Variants in FUT9 observed in about 807,000 individuals in gnomAD.
FUT9 encodes the protein 4-galactosyl-N-acetylglucosaminide 3-alpha-L-fucosyltransferase 9.
FUT9 carries 15 observed loss-of-function variants against 29.7 expected under a neutral mutation model. That is an observed-to-expected ratio of 0.51 (90% CI 0.34 to 0.78). The LOEUF (loss-of-function observed/expected upper bound fraction) is 0.78. FUT9 is among the 30% of genes least tolerant of loss of function. The pLI, the probability that FUT9 is intolerant of heterozygous loss-of-function variation, is 0.01. For missense variants in FUT9, 319 were observed against 425.4 expected (o/e 0.75, Z 2.20); for synonymous variants, 169 against 153.7 (o/e 1.10, Z -0.74).
chr6:96,053,839 C>T (rs929856907), intron 1 of FUT9, among the ~76,000 whole-genome samples: 1 of 151,998 alleles, frequency 6.6e-6, no homozygotes, highest in African/African-American at 2.4e-5. Context: ...TCGGTATTTG[C>T]TTGGCTAAAC....
chr6:96,063,063 T>C (rs552108068), intron 1 of FUT9, among the ~76,000 whole-genome samples: 1 of 152,282 alleles, frequency 6.6e-6, no homozygotes, highest in Admixed American at 6.5e-5. Flanking sequence ...AATGAACTAA[T>C]AGTATTAGAA....
At chr6:96,124,296 C>T (rs1363676247) in intron 2 of FUT9, among the ~76,000 whole-genome samples, 3 of 151,436 alleles carry the variant, frequency 2.0e-5, no homozygotes, top group Non-Finnish European at 4.4e-5. Context: ...GAACTAAAGG[C>T]GCCTGCCACC....
At chr6:96,139,774 A>T (rs942245375) in intron 2 of FUT9, among the ~76,000 whole-genome samples, 12 of 152,012 alleles carry the variant, frequency 7.9e-5, no homozygotes, top group African/African-American at 2.9e-4. Context: ...GCCCCTTTTA[A>T]CCATGGCTGG....
intron 2 of FUT9, among the ~76,000 whole-genome samples, chr6:96,115,693 C>G (rs930070348): frequency 2.0e-5 from 3 of 152,100 alleles, no homozygotes; most frequent in Non-Finnish European, 4.4e-5. Flanking sequence ...ATTTTGAAGG[C>G]CAACTTCAGA....
intron 1 of FUT9, among the ~76,000 whole-genome samples, chr6:96,027,249 T>C (rs918793928): frequency 4.0e-5 from 6 of 151,654 alleles, no homozygotes; most frequent in Non-Finnish European, 8.9e-5. Flanking sequence ...TGTAAGACTT[T>C]GGTTAATTAT....
intron 1 of FUT9, among the ~76,000 whole-genome samples, chr6:96,033,249 A>G (rs1770294612): frequency 6.6e-6 from 1 of 151,714 alleles, no homozygotes; most frequent in South Asian, 2.1e-4. Flanking sequence ...TTTTGAATAT[A>G]TTGGATTGAC....
At chr6:96,116,222 A>G (rs1177923259) in intron 2 of FUT9, among the ~76,000 whole-genome samples, 1 of 152,212 alleles carries the variant, frequency 6.6e-6, no homozygotes, top group Non-Finnish European at 1.5e-5. Context: ...CCACAGTAAG[A>G]TGCCAGAACA....
In FUT9 at chr6:96,209,445, A is replaced by G. The variant is rs1001080992; in HGVS notation, c.*5210A>G. On this transcript the variant is annotated 3_prime_UTR_variant, in exon 3 of 3. Transcript: ENST00000302103. ...TCTATGACTTTTGAACTCACTGCTC[A>G]CTGACATCTTAATTGCCTGCAGAAA... is the stretch of plus-strand genomic sequence containing the variant. The G allele has an allele frequency of 1.2e-5, 2 of 166,888 alleles. No homozygotes were observed. The highest frequency in any genetic ancestry group is 4.8e-5 in the African/African-American group (2 of 41,418). 10.3% of individuals were successfully genotyped at this position (166,888 alleles called of 1,614,324 possible).
chr6:96,165,894 G>A (rs1040168358), intron 2 of FUT9, among the ~76,000 whole-genome samples: 32 of 152,128 alleles, frequency 2.1e-4, no homozygotes, highest in African/African-American at 7.2e-4. Flanking sequence ...GGGATTACAG[G>A]TGTGAGGCAC....
chr6:96,158,729 C>A (rs7757537), intron 2 of FUT9, among the ~76,000 whole-genome samples: 24,093 of 151,992 alleles, frequency 0.16, 2,120 homozygotes, highest in African/African-American at 0.19. Flanking sequence ...TTGCTTCATC[C>A]CCCAAATTGC....
chr6:96,104,373 G>T (rs1453060353), intron 1 of FUT9, among the ~76,000 whole-genome samples: 1 of 152,050 alleles, frequency 6.6e-6, no homozygotes, highest in Non-Finnish European at 1.5e-5. Flanking sequence ...ATGAAAAATG[G>T]CTTGATACTT....
chr6:96,089,182 G>T (rs1275012791), intron 1 of FUT9, among the ~76,000 whole-genome samples: 1 of 152,140 alleles, frequency 6.6e-6, no homozygotes, highest in Non-Finnish European at 1.5e-5. Context: ...TTTCATCATG[G>T]TTAGTTTTCA....
intron 2 of FUT9, among the ~76,000 whole-genome samples, chr6:96,138,322 T>C (rs145063800): frequency 5.3e-5 from 8 of 152,250 alleles, no homozygotes; most frequent in Middle Eastern, 3.4e-3. Flanking sequence ...TTTTGCTTGG[T>C]TTTTATTGTT....
intron 2 of FUT9, among the ~76,000 whole-genome samples, chr6:96,119,890 G>T (rs992246152): frequency 3.3e-5 from 5 of 152,024 alleles, no homozygotes; most frequent in Admixed American, 6.6e-5. Context: ...GGCTATTTGA[G>T]GAACTTCTTG....
chr6:96,175,626 C>T (rs1182871031), intron 2 of FUT9, among the ~76,000 whole-genome samples: 4 of 152,084 alleles, frequency 2.6e-5, no homozygotes, highest in Non-Finnish European at 5.9e-5. Flanking sequence ...AACTACTCTG[C>T]CCTTCTACCT....
chr6:96,143,165 C>T (rs929141216), intron 2 of FUT9, among the ~76,000 whole-genome samples: 1 of 152,068 alleles, frequency 6.6e-6, no homozygotes, highest in Non-Finnish European at 1.5e-5. Flanking sequence ...AGGGTGGAAC[C>T]CTTGTTACTG....
chr6:96,023,826 C>T (rs1383923572), intron 1 of FUT9, among the ~76,000 whole-genome samples: 1 of 151,816 alleles, frequency 6.6e-6, no homozygotes, highest in Non-Finnish European at 1.5e-5. Flanking sequence ...AGTCTGTAAT[C>T]AAGGCTGTGA....
chr6:96,199,840 T>C (rs957377233), intron 2 of FUT9, among the ~76,000 whole-genome samples: 2 of 152,134 alleles, frequency 1.3e-5, no homozygotes, highest in Non-Finnish European at 2.9e-5. Flanking sequence ...CATTTATTCA[T>C]ATGAGACATA....
At chr6:96,140,458 A>C in intron 2 of FUT9, among the ~76,000 whole-genome samples, 1 of 152,184 alleles carries the variant, frequency 6.6e-6, no homozygotes, top group East Asian at 1.9e-4. Context: ...AGGTATCTTT[A>C]TAGCAGCACC....
Sources: allele counts gnomAD v4.1 joint callset (sites outside exome capture counted in the v4.1 genomes callset), GRCh38; gene constraint gnomAD v4.1.1; transcripts MANE v1.5; gene names NCBI Gene and HGNC (gene_info 2026-07-23, HGNC 2026-07-21).